The following FOXP2 variants were observed in gnomAD, a reference collection of about 807,000 sequenced individuals.
FOXP2 encodes forkhead box P2.
Under a neutral mutation model 115.8 loss-of-function variants are expected in FOXP2, and 12 were observed. The observed-to-expected ratio is 0.10, with a 90% CI of 0.07 to 0.17. The LOEUF is 0.17. Among genes scored for constraint, FOXP2 ranks in the 10% least tolerant of loss-of-function variants. The pLI is 1.00. For synonymous variants in FOXP2, 328 were observed against 297.7 expected (o/e 1.10, Z -1.05); for missense variants, 629 against 843.5 (o/e 0.75, Z 3.15).
intron 3 of FOXP2, among the ~76,000 whole-genome samples, chr7:114,554,869 C>T (rs973285798): frequency 4.6e-5 from 7 of 152,040 alleles, no homozygotes; most frequent in Admixed American, 2.0e-4. Flanking sequence ...AGTTCATCCA[C>T]GTATCTGTAT....
intron 2 of FOXP2, among the ~76,000 whole-genome samples, chr7:114,427,263 T>A (rs1443974969): frequency 6.6e-6 from 1 of 151,680 alleles, no homozygotes; most frequent in East Asian, 1.9e-4. Flanking sequence ...AAGAGCACTT[T>A]TTGTGTTCTC....
chr7:114,185,970 C>T (rs1793592709), intron 1 of FOXP2, among the ~76,000 whole-genome samples: 4 of 151,396 alleles, frequency 2.6e-5, no homozygotes, highest in Admixed American at 2.6e-4. Context: ...GCTATGGCAT[C>T]ACGTGGAAGA....
chr7:114,529,053 A>C (rs1161372530), intron 2 of FOXP2, among the ~76,000 whole-genome samples: 2 of 151,898 alleles, frequency 1.3e-5, no homozygotes, highest in Non-Finnish European at 2.9e-5. Flanking sequence ...TAATATTAGG[A>C]TATTACATTA....
chr7:114,368,881 CAAA>C (rs138450607), intron 2 of FOXP2, among the ~76,000 whole-genome samples: 1 of 152,182 alleles, frequency 6.6e-6, no homozygotes, highest in Non-Finnish European at 1.5e-5. Context: ...ACAAACCATC[CAAA>C]AACATAGTAG....
chr7:114,435,781 C>T (rs557543036), intron 2 of FOXP2, among the ~76,000 whole-genome samples: 4 of 152,258 alleles, frequency 2.6e-5, no homozygotes, highest in South Asian at 4.1e-4. Context: ...TCAGGTGATT[C>T]GCCCACCTTG....
chr7:114,144,317 C>T (rs1005180194), intron 1 of FOXP2, among the ~76,000 whole-genome samples: 1 of 152,000 alleles, frequency 6.6e-6, no homozygotes, highest in Non-Finnish European at 1.5e-5. Context: ...ACAAATTAAA[C>T]TATATAGTTT....
intron 2 of FOXP2, among the ~76,000 whole-genome samples, chr7:114,307,494 C>T (rs1393415885): frequency 1.3e-5 from 2 of 152,082 alleles, no homozygotes; most frequent in African/African-American, 4.8e-5. Context: ...AAAAAGAACC[C>T]CCACATATAT....
At chr7:114,091,673 A>G (rs528887256) in intron 1 of FOXP2, among the ~76,000 whole-genome samples, 1 of 151,962 alleles carries the variant, frequency 6.6e-6, no homozygotes, top group African/African-American at 2.4e-5. Context: ...TTACTGTTTC[A>G]TGTTGTAATT....
chr7:114,521,028 A>T (rs1798599823), intron 2 of FOXP2, among the ~76,000 whole-genome samples: 1 of 152,160 alleles, frequency 6.6e-6, no homozygotes, highest in African/African-American at 2.4e-5. Flanking sequence ...GATTGTATTA[A>T]AGAAAATTGA....
rs540166027 is a variant in FOXP2, at chr7:114,207,430, G to C, written c.-102+44342G>C. 8.5e-5 allele frequency among the ~76,000 whole-genome samples: 13 copies of C among 152,274 alleles called. No homozygotes were observed. The East Asian group carries it at 1.2e-3, about 14-fold the overall frequency. On this transcript the variant is annotated intron_variant, in intron 1 of 17. Coordinates refer to the FOXP2 transcript ENST00000634411. ...TGTAAGGAGATTTTAGCTATCCTAA[G>C]TGGGTATGAAGTGATATTTCATTAT...
intron 1 of FOXP2, among the ~76,000 whole-genome samples, chr7:114,123,743 T>C (rs902004544): frequency 6.6e-6 from 1 of 152,162 alleles, no homozygotes; most frequent in Non-Finnish European, 1.5e-5. Context: ...GTATGTAATA[T>C]AAAAATTTGG....
intron 2 of FOXP2, among the ~76,000 whole-genome samples, chr7:114,462,520 T>C (rs28760306): frequency 1 from 151,082 of 151,100 alleles, 75,532 homozygotes; most frequent in East Asian, 1. Flanking sequence ...TACAGGCACG[T>C]GCCACCACGC....
chr7:114,237,220 A>T (rs1035427052), intron 1 of FOXP2, among the ~76,000 whole-genome samples: 2 of 152,210 alleles, frequency 1.3e-5, no homozygotes, highest in African/African-American at 2.4e-5. Flanking sequence ...TGTTTCCAGA[A>T]ACTGACTATT....
At chr7:114,517,895 G>A (rs1214276002) in intron 2 of FOXP2, among the ~76,000 whole-genome samples, 1 of 151,784 alleles carries the variant, frequency 6.6e-6, no homozygotes, top group Non-Finnish European at 1.5e-5. Flanking sequence ...CAATTGTATT[G>A]AATCTGTGGA....
intron 1 of FOXP2, among the ~76,000 whole-genome samples, chr7:114,232,379 T>A (rs946036640): frequency 5.9e-5 from 9 of 152,204 alleles, no homozygotes; most frequent in African/African-American, 1.9e-4. Context: ...ATACAAAGTA[T>A]TTAAATCAAG....
intron 3 of FOXP2, among the ~76,000 whole-genome samples, chr7:114,617,532 G>A (rs985849977): frequency 2.6e-4 from 39 of 152,180 alleles, no homozygotes; most frequent in Non-Finnish European, 4.4e-4. Flanking sequence ...GGCGGCTCAC[G>A]CGTGTAATCC....
Position 114,570,501 on chromosome 7 carries a change from T to C in FOXP2, c.258+35795T>C, listed in dbSNP as rs1030479850. Among the ~76,000 whole-genome samples the C allele has an allele frequency of 5.3e-5, 8 of 152,042 alleles. No homozygotes were observed. The South Asian group carries it at 1.7e-3, about 32-fold the overall frequency. ...TCATTTAAATATATAGGAGTATTTA[T>C]GATTCTTAGCTTACAAGTGGGAAGT... On this transcript the variant is annotated intron_variant, in intron 3 of 16. Coordinates refer to ENST00000350908, the MANE Select transcript of FOXP2 (RefSeq NM_014491.4).
chr7:114,495,755 C>T (rs941223352), intron 2 of FOXP2, among the ~76,000 whole-genome samples: 3 of 152,036 alleles, frequency 2.0e-5, no homozygotes, highest in African/African-American at 7.2e-5. Context: ...GATCTGCCCG[C>T]CTCAGCCTCC....
At chr7:114,431,278 G>T (rs1562922520) in intron 2 of FOXP2, among the ~76,000 whole-genome samples, 2 of 151,858 alleles carry the variant, frequency 1.3e-5, no homozygotes. Context: ...CCAATTCCAG[G>T]GATGGGGCGC....
Sources: gnomAD v4.1 joint callset for allele counts (sites outside exome capture counted in the v4.1 genomes callset) on GRCh38, gnomAD v4.1.1 for gene constraint, MANE v1.5 for transcripts, NCBI Gene and HGNC (gene_info 2026-07-23, HGNC 2026-07-21) for gene names.